Variants in TANC2 observed in about 807,000 individuals in gnomAD.
The protein encoded by TANC2 is tetratricopeptide repeat, ankyrin repeat and coiled-coil containing 2.
A neutral mutation model predicts 210.5 loss-of-function variants in TANC2; 26 were observed. That is an observed-to-expected ratio of 0.12 (90% CI 0.09 to 0.17). The LOEUF is 0.17. TANC2 is among the 10% of genes least tolerant of loss of function. The probability of loss-of-function intolerance (pLI) is 1.00; values close to 1 mark genes in which losing one functional copy is unlikely to be tolerated. For missense variants in TANC2, 2,129 were observed against 2,608.9 expected (o/e 0.82, Z 4.01); for synonymous variants, 931 against 967.1 (o/e 0.96, Z 0.69).
At chr17:63,061,266 G>A (rs2035986395) in intron 2 of TANC2, among the ~76,000 whole-genome samples, 1 of 151,954 alleles carries the variant, frequency 6.6e-6, no homozygotes, top group Non-Finnish European at 1.5e-5. Flanking sequence ...ACTGGGGAGG[G>A]TGAGGCAGGA....
At chr17:63,183,585 G>T (rs1308658924) in intron 5 of TANC2, among the ~76,000 whole-genome samples, 1 of 152,104 alleles carries the variant, frequency 6.6e-6, no homozygotes, top group Non-Finnish European at 1.5e-5. Context: ...CGAGTGATGG[G>T]TACACTGACA....
exon 28 of TANC2, chr17:63,422,125 C>A: frequency 1.2e-6 from 1 of 800,708 alleles, no homozygotes; most frequent in Non-Finnish European, 1.9e-6. Context: ...TGGGAAGCGG[C>A]CTCCCGGGAG....
At chr17:63,204,811 G>T (rs1272615512) in intron 7 of TANC2, among the ~76,000 whole-genome samples, 1 of 152,156 alleles carries the variant, frequency 6.6e-6, no homozygotes, top group Non-Finnish European at 1.5e-5. Flanking sequence ...GGGGCCAGGT[G>T]CAGTGGCTCA....
intron 4 of TANC2, chr17:63,149,336 C>G (rs528836911): frequency 6.6e-6 from 1 of 152,216 alleles, no homozygotes. Context: ...GACTTCATCT[C>G]ATAATTCTTG....
exon 11 of TANC2, chr17:63,318,986 A>G (rs577705394): frequency 8.1e-6 from 13 of 1,613,368 alleles, no homozygotes; most frequent in Middle Eastern, 3.6e-4. Flanking sequence ...GCTGCCACTC[A>G]CACAGCCACC....
chr17:63,293,065 G>T (rs538422348), intron 9 of TANC2, among the ~76,000 whole-genome samples: 4 of 152,110 alleles, frequency 2.6e-5, no homozygotes, highest in Admixed American at 2.0e-4. Context: ...TCTTTAGAGT[G>T]TGTTTTAGGA....
Position 62,997,724 on chromosome 17 carries a change from TTAAAC to T in TANC2, c.-23-11810_-23-11806del, listed in dbSNP as rs1253762800. The stretch of plus-strand genomic sequence containing the variant: ...CTATTTAAAATATTTTCTTCAATCT[TTAAAC>T]TATTAAAGCATTTTAATGGTATAAT... On this transcript the variant is annotated intron_variant, in intron 1 of 27. Coordinates refer to ENST00000689528, the Ensembl canonical transcript of TANC2. Among the ~76,000 whole-genome samples, 10 of 152,288 alleles carry T rather than the reference TTAAAC, an allele frequency of 6.6e-5. No individual in the cohort carries two copies. In the East Asian group the frequency reaches 1.2e-3, roughly 18 times the overall value.
intron 17 of TANC2, chr17:63,391,201 C>G (rs1205302356): frequency 6.6e-6 from 1 of 152,112 alleles, no homozygotes; most frequent in African/African-American, 2.4e-5. Context: ...AGAAATGTTC[C>G]TCTCCCTTGC....
Position 63,031,897 on chromosome 17 carries a change from C to G in TANC2, c.67+22271C>G, listed in dbSNP as rs117856014. On this transcript the variant is annotated intron_variant, in intron 2 of 27. Transcript: ENST00000689528. ...CAGACTGGAGGGAAATGGAACAATTCTTGGAGGAGGTGGTGACTATCACCA... is the reference window on the plus strand; with the variant it reads ...CAGACTGGAGGGAAATGGAACAATTGTTGGAGGAGGTGGTGACTATCACCA... Among the ~76,000 whole-genome samples the G allele has an allele frequency of 8.0e-3, 1,215 of 152,182 alleles. 11 individuals are homozygous for G. The highest frequency in any genetic ancestry group is 0.031 in the Middle Eastern group (9 of 294).
chr17:63,336,964 T>C (rs2146762226), intron 11 of TANC2, among the ~76,000 whole-genome samples: 1 of 152,224 alleles, frequency 6.6e-6, no homozygotes, highest in South Asian at 2.1e-4. Context: ...AGCGCGCTGG[T>C]ACTAATGAGA....
chr17:63,226,141 T>G (rs2042322720), intron 7 of TANC2, among the ~76,000 whole-genome samples: 1 of 152,228 alleles, frequency 6.6e-6, no homozygotes, highest in Admixed American at 6.5e-5. Flanking sequence ...TCAAAATAAT[T>G]GATTTCTCCT....
intron 1 of TANC2, among the ~76,000 whole-genome samples, chr17:63,000,661 A>G (rs888854604): frequency 3.8e-4 from 58 of 152,324 alleles, no homozygotes; most frequent in African/African-American, 1.3e-3. Context: ...TTTCCTGTCC[A>G]GATATTTCAC....
At chr17:63,230,378 G>T (rs2042443913) in intron 7 of TANC2, among the ~76,000 whole-genome samples, 3 of 151,988 alleles carry the variant, frequency 2.0e-5, no homozygotes, top group African/African-American at 7.3e-5. Context: ...TGATGTTAGG[G>T]TATCGATTTG....
chr17:63,218,150 T>C (rs761758749), intron 7 of TANC2, among the ~76,000 whole-genome samples: 17 of 151,952 alleles, frequency 1.1e-4, no homozygotes, highest in Non-Finnish European at 2.4e-4. Context: ...CCAGGTGTGA[T>C]GGTACACACT....
chr17:63,218,737 A>G (rs1423361680), intron 7 of TANC2, among the ~76,000 whole-genome samples: 1 of 152,088 alleles, frequency 6.6e-6, no homozygotes, highest in Non-Finnish European at 1.5e-5. Context: ...TTCTACTAAA[A>G]ATGCAAAAAT....
chr17:63,403,285 T>C (rs1298127894), intron 19 of TANC2, among the ~76,000 whole-genome samples: 1 of 152,242 alleles, frequency 6.6e-6, no homozygotes, highest in South Asian at 2.1e-4. Context: ...TTTGGCACCC[T>C]CACATACAGA....
At chr17:63,145,087 G>T (rs1350744829) in intron 4 of TANC2, among the ~76,000 whole-genome samples, 14 of 151,018 alleles carry the variant, frequency 9.3e-5, no homozygotes, top group African/African-American at 3.4e-4. Flanking sequence ...CCACCATTTT[G>T]CAGGAAATGA....
At chr17:63,188,231 G>A (rs1486788941) in intron 5 of TANC2, among the ~76,000 whole-genome samples, 3 of 151,532 alleles carry the variant, frequency 2.0e-5, no homozygotes, top group Admixed American at 1.3e-4. Context: ...AGGGTGCTGA[G>A]TTTGAGAGGA....
intron 2 of TANC2, among the ~76,000 whole-genome samples, chr17:63,052,985 G>T (rs905876224): frequency 6.6e-6 from 1 of 152,192 alleles, no homozygotes; most frequent in Admixed American, 6.5e-5. Context: ...TAGGTGGCAG[G>T]CCAGATTTGG....
Sources: allele counts gnomAD v4.1 joint callset (sites outside exome capture counted in the v4.1 genomes callset), GRCh38; gene constraint gnomAD v4.1.1; transcripts MANE v1.5; gene names NCBI Gene and HGNC (gene_info 2026-07-23, HGNC 2026-07-21).